FBXO17: variants seen among roughly 807,000 people sequenced by gnomAD.
The protein encoded by FBXO17 is F-box protein 17.
Under a neutral mutation model 34.1 loss-of-function variants are expected in FBXO17, and 43 were observed. That is an observed-to-expected ratio of 1.26 (90% CI 0.99 to 1.62). FBXO17 has a LOEUF of 1.62. FBXO17 is among the 40% of genes most tolerant of loss of function. FBXO17 has a pLI of 0.00. For synonymous variants in FBXO17, 169 were observed against 166.0 expected (o/e 1.02, Z -0.14); for missense variants, 424 against 386.7 (o/e 1.10, Z -0.81).
At chr19:38,972,670 C>T (rs1364288470) in intron 1 of FBXO17, among the ~76,000 whole-genome samples, 3 of 152,114 alleles carry the variant, frequency 2.0e-5, no homozygotes, top group Admixed American at 6.6e-5. Flanking sequence ...TATTTTCTCC[C>T]AATTTTTACT....
At chr19:38,952,607 G>T (rs1277782222) in intron 1 of FBXO17, 1 of 534,394 alleles carries the variant, frequency 1.9e-6, no homozygotes, top group South Asian at 1.4e-5. Context: ...CCCAGATCAT[G>T]ACTCCTCTCT....
chr19:38,945,138 C>T lies in FBXO17; in HGVS notation c.558-34G>A, dbSNP rs373457807. ...CAGCAGTCAGCCTCTATGCCCCCGT[C>T]ACCCAGCCAGCTCTCTGGGTTTCGG... is the stretch of plus-strand genomic sequence containing the variant. On this transcript the variant is annotated intron_variant, in intron 4 of 5. Transcript: ENST00000292852. 2.3e-4 allele frequency: 366 copies of T among 1,612,026 alleles called. 1 individual carries two copies. The African/African-American group carries it at 4.3e-3, about 19-fold the overall frequency.
intron 1 of FBXO17, among the ~76,000 whole-genome samples, chr19:38,967,266 T>A (rs1333255725): frequency 6.6e-6 from 1 of 152,106 alleles, no homozygotes; most frequent in Non-Finnish European, 1.5e-5. Flanking sequence ...AAGACCAGCC[T>A]GGCCAACATG....
chr19:38,965,964 A>C (rs563920576), intron 1 of FBXO17, among the ~76,000 whole-genome samples: 4 of 150,426 alleles, frequency 2.7e-5, no homozygotes, highest in African/African-American at 9.8e-5. Context: ...TTATTTATTT[A>C]TTTTTATTTA....
rs373914287 is a variant in FBXO17 at position 38,968,503 on chromosome 19, T to A, written c.-18+7083A>T. ...CCTGTCTCTAAAAAAAAAAAAAAAT[T>A]AAAAAAAAAGTTAAACATAAACTTA... On this transcript the variant is annotated intron_variant, in intron 1 of 5. Transcript: ENST00000292852. Among the ~76,000 whole-genome samples, 72 of 148,696 alleles carry A rather than the reference T, an allele frequency of 4.8e-4. 1 individual carries two copies. The East Asian group carries it at 6.5e-3, about 13-fold the overall frequency.
chr19:38,960,198 CA>C, intron 1 of FBXO17, among the ~76,000 whole-genome samples: 1 of 152,028 alleles, frequency 6.6e-6, no homozygotes, highest in Non-Finnish European at 1.5e-5. Flanking sequence ...AAATTCTGCA[CA>C]AAAAATACCT....
intron 1 of FBXO17, among the ~76,000 whole-genome samples, chr19:38,957,416 G>A (rs182621006): frequency 5.9e-4 from 89 of 151,864 alleles, no homozygotes; most frequent in African/African-American, 2.0e-3. Flanking sequence ...GCATGATCTC[G>A]GCTCACTGCA....
Position 38,949,952 on chromosome 19 carries a change from C to T in FBXO17, c.349+19G>A. 1.3e-6 allele frequency: 2 copies of T among 1,510,168 alleles called. No individual in the cohort carries two copies. Among genetic ancestry groups the T allele is most frequent in the East Asian group, 5.1e-5 (2 of 39,374 alleles). The allele number at this position is 1,510,168 out of a possible 1,614,324, so 93.5% of individuals were successfully genotyped here. Reference sequence around the variant, plus strand: ...GCGCGGCCCCCCTCAGCCTCCTGGGCCCCGCCCCCGTCACCCACGCTCTCC... The same window carrying T: ...GCGCGGCCCCCCTCAGCCTCCTGGGTCCCGCCCCCGTCACCCACGCTCTCC... On this transcript the variant is annotated intron_variant, in intron 2 of 5. Transcript: ENST00000292852.
chr19:38,969,959 C>T (rs529122398), intron 1 of FBXO17, among the ~76,000 whole-genome samples: 1 of 152,086 alleles, frequency 6.6e-6, no homozygotes, highest in East Asian at 1.9e-4. Context: ...CCAGCAACTC[C>T]ACCCCAGAGC....
intron 1 of FBXO17, among the ~76,000 whole-genome samples, chr19:38,968,330 G>T (rs1975346990): frequency 7.5e-6 from 1 of 133,872 alleles, no homozygotes. Context: ...AAAAAAAAAA[G>T]TTGAACATGG....
intron 1 of FBXO17, among the ~76,000 whole-genome samples, chr19:38,960,708 A>T (rs984766273): frequency 3.3e-5 from 5 of 151,126 alleles, no homozygotes. Context: ...AGGGTTTCAC[A>T]TGTTGGCCAG....
chr19:38,965,359 C>G (rs530320031), intron 1 of FBXO17, among the ~76,000 whole-genome samples: 1 of 149,536 alleles, frequency 6.7e-6, no homozygotes, highest in South Asian at 2.1e-4. Flanking sequence ...GATGGAGTCT[C>G]TCTCTGTCGC....
chr19:38,958,955 T>C (rs1414654286), intron 1 of FBXO17, among the ~76,000 whole-genome samples: 2 of 152,040 alleles, frequency 1.3e-5, no homozygotes, highest in African/African-American at 4.8e-5. Context: ...CTGGTTGGAG[T>C]GTAGTGGCGT....
At chr19:38,948,533 C>T (rs372543091) in intron 3 of FBXO17, 34 bp downstream of exon 3, 32 of 1,571,926 alleles carry the variant, frequency 2.0e-5, no homozygotes, top group Middle Eastern at 3.4e-4. Flanking sequence ...GGCCTTTGCC[C>T]CAGGGATCGG....
In FBXO17 at chr19:38,950,006, A is replaced by T. The variant is rs778674081; in HGVS notation, c.314T>A (p.Phe105Tyr). Residue 105 changes from phenylalanine to tyrosine, a missense_variant, in exon 2 of 6, where the codon TTC (phenylalanine) becomes TAC (tyrosine). Phe to Tyr is a conservative substitution (Grantham distance 22, BLOSUM62 3). Coordinates refer to ENST00000292852, the MANE Select transcript of FBXO17 (RefSeq NM_024907.7). ...ALARYCLRAP[F>Y]GRNLIFNSCG... is the part of the protein sequence containing the mutation. The stretch of plus-strand genomic sequence containing the variant: ...GGAGTTGAAGATGAGATTGCGGCCG[A>T]AGGGCGCGCGCAGACAGTAGCGCGC... The T allele has an allele frequency of 1.3e-6, 2 of 1,555,674 alleles. No individual in the cohort carries two copies. Among genetic ancestry groups the T allele is most frequent in the Non-Finnish European group, 1.7e-6 (2 of 1,151,924 alleles).
chr19:38,968,101 C>T (rs1466175188), intron 1 of FBXO17, among the ~76,000 whole-genome samples: 2 of 151,902 alleles, frequency 1.3e-5, no homozygotes, highest in East Asian at 3.9e-4. Flanking sequence ...TTTGGGAGTC[C>T]TGAGGTCAAG....
intron 4 of FBXO17, chr19:38,946,209 G>A: frequency 3.7e-6 from 2 of 544,748 alleles, no homozygotes; most frequent in Non-Finnish European, 6.5e-6. Context: ...CGTTTCAGAG[G>A]GGTATCAAGC....
chr19:38,971,262 A>G (rs1303526092), intron 1 of FBXO17, among the ~76,000 whole-genome samples: 1 of 152,044 alleles, frequency 6.6e-6, no homozygotes, highest in Non-Finnish European at 1.5e-5. Flanking sequence ...TGCCACTGTG[A>G]GGAGTTACTA....
intron 1 of FBXO17, among the ~76,000 whole-genome samples, chr19:38,962,724 C>CA (rs1975269389): frequency 6.7e-6 from 1 of 148,280 alleles, no homozygotes; most frequent in Non-Finnish European, 1.5e-5. Context: ...TTTTTCTTTC[C>CA]TTTTTTTTTT....
Sources: allele counts gnomAD v4.1 joint callset (sites outside exome capture counted in the v4.1 genomes callset), GRCh38; gene constraint gnomAD v4.1.1; transcripts MANE v1.5; gene names NCBI Gene and HGNC (gene_info 2026-07-23, HGNC 2026-07-21).